PGM3: variants seen among roughly 807,000 people sequenced by gnomAD.
PGM3 encodes the protein phosphoglucomutase 3.
A neutral mutation model predicts 66.2 loss-of-function variants in PGM3; 40 were observed. The observed-to-expected ratio is 0.60, with a 90% CI of 0.47 to 0.79. The LOEUF (loss-of-function observed/expected upper bound fraction) is 0.79. PGM3 is among the 30% of genes least tolerant of loss of function. The pLI is 0.00. For synonymous variants in PGM3, 191 were observed against 224.2 expected (o/e 0.85, Z 1.32); for missense variants, 537 against 643.4 (o/e 0.83, Z 1.79).
At chr6:83,149,306 T>A in the PGM3 span, among the ~76,000 whole-genome samples, 2 of 152,216 alleles carry the variant, frequency 1.3e-5, no homozygotes, top group African/African-American at 4.8e-5. Flanking sequence ...ATTTGATAAA[T>A]GTTAGTCACC....
downstream of PGM3, chr6:83,162,977 G>T: frequency 6.5e-7 from 1 of 1,526,986 alleles, no homozygotes. Flanking sequence ...CATTAGTGAG[G>T]TATTTATTAA....
intron 1 of PGM3, among the ~76,000 whole-genome samples, chr6:83,191,747 G>C (rs1789080490): frequency 6.6e-6 from 1 of 152,158 alleles, no homozygotes; most frequent in Non-Finnish European, 1.5e-5. Context: ...TTAGCACTTT[G>C]AGAGGCCAAG....
Position 83,167,764 on chromosome 6 carries a change from AT to A in PGM3, c.*1469del. On this transcript the variant is annotated 3_prime_UTR_variant, in exon 13 of 13. Transcript: ENST00000513973. ...TAGAAACTTAATGTCATTTGTATTC[AT>A]TTCTTGACCAATTGCCAAAGTTTAT... is the stretch of plus-strand genomic sequence containing the variant. The A allele has an allele frequency of 1.4e-6, 2 of 1,453,112 alleles. No homozygotes were observed. The highest frequency in any genetic ancestry group is 3.0e-5 in the South Asian group (2 of 66,068). The allele number at this position is 1,453,112 out of a possible 1,614,324, so 90.0% of individuals were successfully genotyped here. A position where few individuals can be genotyped will look rare whatever the true frequency, so the allele number is the denominator to read the frequency against.
Position 83,168,951 on chromosome 6 carries a change from T to A in PGM3, c.*283A>T, listed in dbSNP as rs1260157087. On this transcript the variant is annotated 3_prime_UTR_variant, in exon 13 of 13. Transcript: ENST00000513973. ...TTTTCCAGTAGCCTGCATGAATTGT[T>A]CCCCACATAAAACTGTACAGTTAGT... The A allele has an allele frequency of 1.7e-6, 2 of 1,150,912 alleles. No individual in the cohort carries two copies. Among genetic ancestry groups the A allele is most frequent in the East Asian group, 9.0e-5 (2 of 22,220 alleles). The allele number at this position is 1,150,912 out of a possible 1,614,324, so 71.3% of individuals were successfully genotyped here.
intron 4 of PGM3, among the ~76,000 whole-genome samples, chr6:83,185,851 T>C (rs1294107100): frequency 4.6e-5 from 7 of 152,028 alleles, no homozygotes; most frequent in Non-Finnish European, 8.8e-5. Flanking sequence ...TCAGAAATCA[T>C]GCAGAATGAA....
chr6:83,163,448 G>C (rs1784710557), downstream of PGM3, among the ~76,000 whole-genome samples: 1 of 152,132 alleles, frequency 6.6e-6, no homozygotes, highest in Admixed American at 6.5e-5. Context: ...TAAAATATGA[G>C]TCAGATTTCA....
chr6:83,167,260 C>G lies in PGM3; in HGVS notation c.*1974G>C. ...TAACTCAATTCCTTTGACTCCAGGT[C>G]CAGCTTTCCTCCCTATGTTGTTTAG... On this transcript the variant is annotated 3_prime_UTR_variant, in exon 13 of 13. Coordinates refer to ENST00000513973, the MANE Select transcript of PGM3 (RefSeq NM_015599.3). 1 of 982,798 alleles carries G rather than the reference C, an allele frequency of 1.0e-6. No individual in the cohort carries two copies. The highest frequency in any genetic ancestry group is 1.2e-6 in the Non-Finnish European group (1 of 827,548). The allele number at this position is 982,798 out of a possible 1,614,324, so 60.9% of individuals were successfully genotyped here.
At chr6:83,180,051 C>A in intron 6 of PGM3, 84 bp from the exon 7 acceptor site, 1 of 1,040,230 alleles carries the variant, frequency 9.6e-7, no homozygotes. Flanking sequence ...AAATTATCCA[C>A]CTAAAAATCA....
chr6:83,190,814 G>A lies in PGM3; in HGVS notation c.199C>T (p.Pro67Ser), dbSNP rs2128508856. ...IGVMVTASHN[P>S]EEDNGVKLVD... ...CAGGGCACTAAACCCATTACCTCAG[G>A]ATTGTGGGACGCTGTTACCATGACT... The change falls in exon 2 of 13, where the codon CCT (proline) becomes TCT (serine). Residue 67 changes from proline to serine, a missense_variant. Pro to Ser is a moderately conservative substitution (Grantham distance 74). Transcript: ENST00000513973. 2.5e-6 allele frequency: 4 copies of A among 1,612,758 alleles called. No homozygotes were observed. Among genetic ancestry groups the A allele is most frequent in the Non-Finnish European group, 3.4e-6 (4 of 1,178,790 alleles).
At chr6:83,176,205 T>C in intron 8 of PGM3, 145 bp from the exon 9 acceptor site, 3 of 588,158 alleles carry the variant, frequency 5.1e-6, no homozygotes, top group Non-Finnish European at 9.3e-6. Flanking sequence ...AAATACAAAA[T>C]GGTACGTATA....
In PGM3 at chr6:83,164,918, A is replaced by G; in HGVS notation, c.*4316T>C. 2 of 510,946 alleles carry G rather than the reference A, an allele frequency of 3.9e-6. No individual in the cohort carries two copies. Among genetic ancestry groups the G allele is most frequent in the Non-Finnish European group, 6.9e-6 (2 of 289,274 alleles). 31.7% of individuals were successfully genotyped at this position (510,946 alleles called of 1,614,324 possible). A position where few individuals can be genotyped will look rare whatever the true frequency, so the allele number is the denominator to read the frequency against. On this transcript the variant is annotated 3_prime_UTR_variant, in exon 13 of 13. Transcript: ENST00000513973. ...TTTATTTAATATTGAGACAATACAT[A>G]TAGTTCTGATTAAGAGCATCAGAAA...
chr6:83,182,963 G>C lies in PGM3; in HGVS notation c.473C>G (p.Thr158Arg), dbSNP rs760200977. ...GGQFHDYGLL[T>R]TPQLHYMVYC... ...CACCATGTAGTGCAGCTGGGGTGTT[G>C]TTAACAAGCCATAATCTGTCATAGA... Residue 158 changes from threonine to arginine, a missense_variant, in exon 5 of 13, where the codon ACA becomes AGA. Thr to Arg is a moderately conservative substitution (Grantham distance 71). Coordinates refer to ENST00000513973, the MANE Select transcript of PGM3 (RefSeq NM_015599.3). The C allele has an allele frequency of 6.2e-7, 1 of 1,610,190 alleles. No homozygotes were observed. The highest frequency in any genetic ancestry group is 8.5e-7 in the Non-Finnish European group (1 of 1,178,570).
intron 5 of PGM3, 39 bp downstream of exon 5, chr6:83,182,802 TATTC>T: frequency 6.4e-7 from 1 of 1,570,954 alleles, no homozygotes; most frequent in African/African-American, 1.4e-5. Context: ...CATGTTACTT[TATTC>T]ATTTGTTTAA....
the PGM3 span, among the ~76,000 whole-genome samples, chr6:83,155,427 A>T: frequency 6.6e-6 from 1 of 152,146 alleles, no homozygotes; most frequent in Non-Finnish European, 1.5e-5. Context: ...TGCCCACTGC[A>T]CTTCAGACTG....
chr6:83,154,283 T>TTTACTTACATTTAATA, the PGM3 span: 2 of 1,552,088 alleles, frequency 1.3e-6, no homozygotes, highest in Non-Finnish European at 1.8e-6. Context: ...TTCCTGTACA[T>TTTACTTACATTTAATA]GGTTCCTTCT....
the PGM3 span, chr6:83,153,795 T>C: frequency 5.8e-5 from 76 of 1,307,226 alleles, no homozygotes; most frequent in Non-Finnish European, 6.8e-5. Context: ...TTTCATATCT[T>C]CATGTCACTG....
In PGM3 at chr6:83,191,151, AT is replaced by A. The variant is rs913896380; in HGVS notation, c.-2-138del. The A allele has an allele frequency of 4.0e-6, 6 of 1,490,056 alleles. No individual in the cohort carries two copies. In the African/African-American group the frequency reaches 6.9e-5, roughly 17 times the overall value. 92.3% of individuals were successfully genotyped at this position (1,490,056 alleles called of 1,614,324 possible). ...AAAGAACCCTATGTTTGACAGAGCAATGGGCAGGAGAGTAAGTCCTGTGGGT... is the reference window on the plus strand; with the variant it reads ...AAAGAACCCTATGTTTGACAGAGCAAGGGCAGGAGAGTAAGTCCTGTGGGT... On this transcript the variant is annotated intron_variant, in intron 1 of 12. Transcript: ENST00000513973.
chr6:83,171,877 G>A, intron 11 of PGM3, 60 bp downstream of exon 11: 1 of 1,250,684 alleles, frequency 8.0e-7, no homozygotes, highest in Non-Finnish European at 1.2e-6. Flanking sequence ...AATGAGAATT[G>A]GGATAATAGG....
At chr6:83,188,895 G>C in intron 2 of PGM3, 97 bp from the exon 3 acceptor site, 1 of 921,630 alleles carries the variant, frequency 1.1e-6, no homozygotes, top group Non-Finnish European at 1.7e-6. Context: ...CAAAGACAGT[G>C]ATGGCTGAGC....
Sources: allele counts gnomAD v4.1 joint callset (sites outside exome capture counted in the v4.1 genomes callset), GRCh38; gene constraint gnomAD v4.1.1; transcripts MANE v1.5; gene names NCBI Gene and HGNC (gene_info 2026-07-23, HGNC 2026-07-21).